Variants in TMC1 observed in about 807,000 individuals in gnomAD.
The protein encoded by TMC1 is transmembrane channel like 1.
Under a neutral mutation model 105.8 loss-of-function variants are expected in TMC1, and 84 were observed. That is an observed-to-expected ratio of 0.79 (90% CI 0.67 to 0.95). The LOEUF (loss-of-function observed/expected upper bound fraction) is 0.95, where lower values mean the gene tolerates loss of function less well. TMC1 is among the 40% of genes least tolerant of loss of function. TMC1 has a pLI of 0.00. For missense variants in TMC1, 817 were observed against 914.1 expected (o/e 0.89, Z 1.37); for synonymous variants, 315 against 311.5 (o/e 1.01, Z -0.12).
intron 1 of TMC1, among the ~76,000 whole-genome samples, chr9:72,528,339 T>TC (rs1823440820): frequency 6.6e-6 from 1 of 151,926 alleles, no homozygotes; most frequent in African/African-American, 2.4e-5. Flanking sequence ...TTCATGATTT[T>TC]TTTTTTTTTT....
intron 12 of TMC1, among the ~76,000 whole-genome samples, chr9:72,766,410 C>G (rs1277395536): frequency 6.9e-6 from 1 of 143,952 alleles, no homozygotes; most frequent in Non-Finnish European, 1.5e-5. Flanking sequence ...CGGTGAGACT[C>G]TGTCTCAAAA....
At chr9:72,813,597 C>G (rs1463719643) in intron 18 of TMC1, among the ~76,000 whole-genome samples, 1 of 152,186 alleles carries the variant, frequency 6.6e-6, no homozygotes, top group Non-Finnish European at 1.5e-5. Context: ...TCTATTATAA[C>G]TGCTAAATGC....
rs1828864348 is a variant in TMC1 at position 72,821,076 on chromosome 9, A to T, written c.1998A>T (p.Pro666=). The T allele has an allele frequency of 1.2e-6, 2 of 1,613,928 alleles. No individual in the cohort carries two copies. Among genetic ancestry groups the T allele is most frequent in the South Asian group, 2.2e-5 (2 of 91,066 alleles). The change falls in exon 20 of 24, where the codon CCA becomes CCT. Residue 666 remains proline (P), a synonymous_variant. Transcript: ENST00000297784. ...TCCCACCATCTTTTGATTGTGGTCC[A>T]TTCAGGTCTCTTGCTTTTGAAATTT... ...VSLPPSFDCG[P]FSGKNRMFEV... is the part of the protein sequence containing the mutation.
intron 2 of TMC1, among the ~76,000 whole-genome samples, chr9:72,597,326 G>A (rs377366528): frequency 2.0e-5 from 3 of 152,132 alleles, no homozygotes; most frequent in African/African-American, 7.2e-5. Context: ...CAGGGACTGC[G>A]CTCCTCATGA....
At chr9:72,575,010 G>A (rs898622283) in intron 1 of TMC1, among the ~76,000 whole-genome samples, 1 of 152,106 alleles carries the variant, frequency 6.6e-6, no homozygotes, top group Non-Finnish European at 1.5e-5. Flanking sequence ...GTGGCCAACT[G>A]TCGTGAGGCC....
At chr9:72,770,419 G>GTTTTTTT (rs367957982) in intron 12 of TMC1, among the ~76,000 whole-genome samples, 1 of 120,470 alleles carries the variant, frequency 8.3e-6, no homozygotes. Context: ...AATTTGTTGG[G>GTTTTTTT]TTTTTTTTTT....
chr9:72,805,391 A>G lies in TMC1; in HGVS notation c.1576A>G (p.Arg526Gly). Residue 526 changes from arginine to glycine, a missense_variant, in exon 18 of 24, where the codon AGG (arginine) becomes GGG (glycine). Physicochemically the swap from Arg to Gly is moderately radical, Grantham distance 125. Transcript: ENST00000297784. ...GATAATATCTCAACAGGAGTTTGTGAGGCTGACAGTCTCTGATGTTCTGAC... is the reference window on the plus strand; with the variant it reads ...GATAATATCTCAACAGGAGTTTGTGGGGCTGACAGTCTCTGATGTTCTGAC... ...WETMVGQEFV[R>G]LTVSDVLTTY... 1.9e-6 allele frequency: 3 copies of G among 1,613,894 alleles called. No homozygotes were observed. Among genetic ancestry groups the G allele is most frequent in the East Asian group, 2.2e-5 (1 of 44,860 alleles).
intron 12 of TMC1, among the ~76,000 whole-genome samples, chr9:72,768,687 G>T (rs1258237761): frequency 2.0e-5 from 3 of 151,980 alleles, no homozygotes; most frequent in Non-Finnish European, 4.4e-5. Context: ...TTTATGAAGT[G>T]CCAGCCATTA....
chr9:72,538,613 A>G (rs1035876529), intron 1 of TMC1, among the ~76,000 whole-genome samples: 3 of 151,704 alleles, frequency 2.0e-5, no homozygotes, highest in African/African-American at 7.3e-5. Flanking sequence ...ATTTTTTTGT[A>G]TTTTTAGTAG....
At chr9:72,529,999 G>T (rs2132056727) in intron 1 of TMC1, among the ~76,000 whole-genome samples, 1 of 152,270 alleles carries the variant, frequency 6.6e-6, no homozygotes, top group South Asian at 2.1e-4. Flanking sequence ...ACGAAATCAG[G>T]TCTGGGGAGC....
At chr9:72,685,818 A>G (rs1826371540) in intron 5 of TMC1, among the ~76,000 whole-genome samples, 1 of 152,202 alleles carries the variant, frequency 6.6e-6, no homozygotes, top group African/African-American at 2.4e-5. Flanking sequence ...TTCAGTTTCC[A>G]AAATAATAAC....
rs758968889 is a variant in TMC1 at position 72,821,034 on chromosome 9, G to C, written c.1956G>C (p.Leu652Phe). 5.6e-6 allele frequency: 9 copies of C among 1,614,042 alleles called. No homozygotes were observed. In the Admixed American group the frequency reaches 1.5e-4, roughly 27 times the overall value. ...LILFLSTMPV[L>F]YMIVSLPPSF... Reference sequence around the variant, plus strand: ...TCTTCCTGTCCACAATGCCTGTCTTGTACATGATCGTGTCCCTCCCACCAT... The same window carrying C: ...TCTTCCTGTCCACAATGCCTGTCTTCTACATGATCGTGTCCCTCCCACCAT... The change falls in exon 20 of 24, where the codon TTG becomes TTC. Residue 652 changes from leucine to phenylalanine, a missense_variant. By Grantham distance (22) the Leu-to-Phe change is conservative. Transcript: ENST00000297784.
At chr9:72,810,928 G>T (rs989591920) in intron 18 of TMC1, among the ~76,000 whole-genome samples, 35 of 152,062 alleles carry the variant, frequency 2.3e-4, no homozygotes, top group African/African-American at 6.5e-4. Flanking sequence ...GAGTTGAATT[G>T]CTCAGTCACA....
chr9:72,792,404 T>C, intron 17 of TMC1, 52 bp downstream of exon 17: 2 of 1,593,634 alleles, frequency 1.3e-6, no homozygotes, highest in Non-Finnish European at 8.6e-7. Flanking sequence ...AAAAAGAGAG[T>C]CAATATCTCT....
chr9:72,752,003 C>T (rs903441299), intron 11 of TMC1, 47 bp downstream of exon 11: 6 of 1,192,606 alleles, frequency 5.0e-6, no homozygotes, highest in Non-Finnish European at 7.5e-6. Context: ...AAATGTTTCT[C>T]CTAGAAAAGT....
intron 1 of TMC1, among the ~76,000 whole-genome samples, chr9:72,545,936 C>CATCAAA (rs1564401446): frequency 2.8e-5 from 4 of 144,634 alleles, no homozygotes; most frequent in Admixed American, 7.1e-5. Flanking sequence ...CAAAAAAGTT[C>CATCAAA]AAATGTCATC....
At chr9:72,631,539 T>C (rs575640526) in intron 4 of TMC1, among the ~76,000 whole-genome samples, 2 of 152,366 alleles carry the variant, frequency 1.3e-5, no homozygotes, top group African/African-American at 4.8e-5. Flanking sequence ...TACTACAGTC[T>C]ACTAAATAGT....
At position 72,607,002 on chromosome 9, in the gene TMC1, T is replaced by TATAG. The variant is rs372785242; in HGVS notation, c.-305-9365_-305-9364insTAGA. ...GTGTGCATATATATATATATATATA[T>TATAG]AGAGAGAGAGAGAGAGAGAGAGAGA... On this transcript the variant is annotated intron_variant, in intron 2 of 23. Transcript: ENST00000297784. Among the ~76,000 whole-genome samples the TATAG allele has an allele frequency of 3.5e-3, 476 of 134,946 alleles. 1 individual carries two copies. Among genetic ancestry groups the TATAG allele is most frequent in the African/African-American group, 9.8e-3 (351 of 35,748 alleles). The allele number at this position is 134,946 out of a possible 152,430, so 88.5% of individuals were successfully genotyped here. A position where few individuals can be genotyped will look rare whatever the true frequency, so the allele number is the denominator to read the frequency against.
At chr9:72,635,470 A>C (rs1322039878) in intron 4 of TMC1, among the ~76,000 whole-genome samples, 6 of 152,182 alleles carry the variant, frequency 3.9e-5, no homozygotes, top group African/African-American at 1.4e-4. Context: ...GTGTGACTGA[A>C]TAACAAAAGA....
Sources: allele counts gnomAD v4.1 joint callset (sites outside exome capture counted in the v4.1 genomes callset), GRCh38; gene constraint gnomAD v4.1.1; transcripts MANE v1.5; gene names NCBI Gene and HGNC (gene_info 2026-07-23, HGNC 2026-07-21).